ADAMTS2: variants seen among roughly 807,000 people sequenced by gnomAD.
ADAMTS2 encodes ADAM metallopeptidase with thrombospondin type 1 motif 2.
ADAMTS2 carries 50 observed loss-of-function variants against 123.0 expected under a neutral mutation model. The observed-to-expected ratio is 0.41, with a 90% CI of 0.32 to 0.51. ADAMTS2 has a LOEUF of 0.51. ADAMTS2 is among the 20% of genes least tolerant of loss of function. The probability of loss-of-function intolerance (pLI) is 0.35; values close to 1 mark genes in which losing one functional copy is unlikely to be tolerated. For missense variants in ADAMTS2, 1,494 were observed against 1,705.2 expected (o/e 0.88, Z 2.18); for synonymous variants, 678 against 695.4 (o/e 0.98, Z 0.39).
At chr5:179,206,789 G>A (rs773886966) in intron 4 of ADAMTS2, among the ~76,000 whole-genome samples, 22 of 152,206 alleles carry the variant, frequency 1.4e-4, no homozygotes, top group Admixed American at 7.2e-4. Context: ...CAGCATCCTG[G>A]CACCTCCTGC....
Position 179,303,704 on chromosome 5 carries a change from T to C in ADAMTS2, c.535-30640A>G, listed in dbSNP as rs188748348. On this transcript the variant is annotated intron_variant, in intron 2 of 21. Transcript: ENST00000251582. This position sits in a 1 kb window ranked among gnomAD's most constrained non-coding sequence, Gnocchi z 4.7. ...CAGCTCATGGCAGCCCACAGGCACCTAAAACTCTAAGAGGGGAGCCTGGCT... is the reference window on the plus strand; with the variant it reads ...CAGCTCATGGCAGCCCACAGGCACCCAAAACTCTAAGAGGGGAGCCTGGCT... Among the ~76,000 whole-genome samples the C allele has an allele frequency of 7.7e-4, 118 of 152,356 alleles. 1 individual carries two copies. Among genetic ancestry groups the C allele is most frequent in the Admixed American group, 3.5e-3 (53 of 15,306 alleles).
rs762610428 is a variant in ADAMTS2, at chr5:179,260,059, G to A, written c.688+12852C>T. On this transcript the variant is annotated intron_variant, in intron 3 of 21. Transcript: ENST00000251582. This position sits in a 1 kb window ranked among gnomAD's most constrained non-coding sequence, Gnocchi z 4.2. Reference sequence around the variant, plus strand: ...GGCCCTGCCGGATGGGTCACAAGCCGGCGAAGTCAGTCCTGCTCAAGTGTG... The same window carrying A: ...GGCCCTGCCGGATGGGTCACAAGCCAGCGAAGTCAGTCCTGCTCAAGTGTG... Among the ~76,000 whole-genome samples the A allele has an allele frequency of 9.2e-5, 14 of 152,308 alleles. No individual in the cohort carries two copies. Among genetic ancestry groups the A allele is most frequent in the East Asian group, 1.9e-4 (1 of 5,176 alleles).
At chr5:179,171,932 C>T (rs1033265137) in intron 5 of ADAMTS2, among the ~76,000 whole-genome samples, 15 of 152,260 alleles carry the variant, frequency 9.9e-5, no homozygotes, top group Admixed American at 4.6e-4. Context: ...GGGTCCCACA[C>T]CCCTCACAAC....
intron 2 of ADAMTS2, among the ~76,000 whole-genome samples, chr5:179,294,025 G>C (rs1158801799): frequency 6.6e-6 from 1 of 152,062 alleles, no homozygotes; most frequent in Non-Finnish European, 1.5e-5. Flanking sequence ...GCACTTTTGG[G>C]AGGCCGAGGC....
At chr5:179,321,918 AG>A (rs971327567) in intron 2 of ADAMTS2, among the ~76,000 whole-genome samples, 13 of 152,128 alleles carry the variant, frequency 8.5e-5, no homozygotes, top group African/African-American at 3.1e-4. Context: ...TTTCCTGAGT[AG>A]ATTATGCTGC....
intron 4 of ADAMTS2, among the ~76,000 whole-genome samples, chr5:179,199,442 C>T (rs894955091): frequency 1.3e-4 from 20 of 152,320 alleles, no homozygotes; most frequent in African/African-American, 4.6e-4. Flanking sequence ...GTGAACCTCC[C>T]GTGAGTGACA....
chr5:179,220,884 G>C (rs1015881873), intron 3 of ADAMTS2, among the ~76,000 whole-genome samples: 1 of 152,202 alleles, frequency 6.6e-6, no homozygotes, highest in African/African-American at 2.4e-5. Context: ...AGAGCTTGCA[G>C]CCAACACAAG....
At chr5:179,164,334 T>G (rs1464855736) in intron 5 of ADAMTS2, among the ~76,000 whole-genome samples, 1 of 152,196 alleles carries the variant, frequency 6.6e-6, no homozygotes, top group African/African-American at 2.4e-5. Context: ...GTGTGCATTC[T>G]TAAAACAGCC....
chr5:179,253,340 G>T (rs10075771), intron 3 of ADAMTS2, among the ~76,000 whole-genome samples: 19,139 of 151,752 alleles, frequency 0.13, 3,785 homozygotes, highest in African/African-American at 0.42. Context: ...TTTATAATTT[G>T]TCTTATAAAA....
chr5:179,151,151 C>A (rs1265787999), intron 10 of ADAMTS2: 1 of 379,068 alleles, frequency 2.6e-6, no homozygotes, highest in Non-Finnish European at 5.5e-6. Flanking sequence ...CCTACCTTGG[C>A]CTCCCAAAGT....
intron 4 of ADAMTS2, among the ~76,000 whole-genome samples, chr5:179,203,522 T>C (rs1021228260): frequency 3.3e-5 from 5 of 152,040 alleles, no homozygotes; most frequent in Admixed American, 3.3e-4. Context: ...CCACTTGGGG[T>C]TGTGGTTCGA....
rs1044004028 is a variant in ADAMTS2 at position 179,175,320 on chromosome 5, G to T, written c.975+5752C>A. Among the ~76,000 whole-genome samples, 5 of 152,216 alleles carry T rather than the reference G, an allele frequency of 3.3e-5. No individual in the cohort carries two copies. The highest frequency in any genetic ancestry group is 1.2e-4 in the African/African-American group (5 of 41,452). Reference sequence around the variant, plus strand: ...TTCCGCAGCTGTCTCAGCCATTCTTGACCGTTCGTGTTCCTAGATGGTGCT... The same window carrying T: ...TTCCGCAGCTGTCTCAGCCATTCTTTACCGTTCGTGTTCCTAGATGGTGCT... On this transcript the variant is annotated intron_variant, in intron 5 of 21. Coordinates refer to ENST00000251582, the MANE Select transcript of ADAMTS2 (RefSeq NM_014244.5). This position sits in a 1 kb window ranked among gnomAD's most constrained non-coding sequence, Gnocchi z 4.1.
chr5:179,325,009 C>T (rs952352787), intron 2 of ADAMTS2, among the ~76,000 whole-genome samples: 1 of 152,218 alleles, frequency 6.6e-6, no homozygotes, highest in African/African-American at 2.4e-5. Flanking sequence ...GATCACACCC[C>T]GACACACACT....
chr5:179,185,736 G>C lies in ADAMTS2; in HGVS notation c.892-4581C>G, dbSNP rs188248024. ...GCCCTGGGGTGTCAGGCTGCTAGGC[G>C]TGGGCCCCTGGCTGGGGAGCTCCAC... On this transcript the variant is annotated intron_variant, in intron 4 of 21. Transcript: ENST00000251582. This position sits in a 1 kb window ranked among gnomAD's most constrained non-coding sequence, Gnocchi z 5.9. 3.9e-5 allele frequency among the ~76,000 whole-genome samples: 6 copies of C among 152,134 alleles called. No individual in the cohort carries two copies. Among genetic ancestry groups the C allele is most frequent in the South Asian group, 2.1e-4 (1 of 4,822 alleles).
chr5:179,199,605 C>T (rs577974868), intron 4 of ADAMTS2, among the ~76,000 whole-genome samples: 47 of 152,282 alleles, frequency 3.1e-4, no homozygotes, highest in Non-Finnish European at 5.9e-4. Flanking sequence ...CTCTCAGACC[C>T]CAGTGGGTGT....
chr5:179,207,471 A>ACCCCCCCCCCCCCCCCCCCCCC, intron 4 of ADAMTS2, 42 bp downstream of exon 4: 1 of 1,026,472 alleles, frequency 9.7e-7, no homozygotes. Flanking sequence ...CCCCTGGTTG[A>ACCCCCCCCCCCCCCCCCCCCCC]CCCTCCCCGC....
At position 179,202,282 on chromosome 5, in the gene ADAMTS2, G is replaced by A. The variant is rs1358407714; in HGVS notation, c.891+5231C>T. Among the ~76,000 whole-genome samples, 1 of 151,764 alleles carries A rather than the reference G, an allele frequency of 6.6e-6. No individual in the cohort carries two copies. The highest frequency in any genetic ancestry group is 6.6e-5 in the Admixed American group (1 of 15,242). On this transcript the variant is annotated intron_variant, in intron 4 of 21. Transcript: ENST00000251582. The surrounding 1 kb of genome is among the most constrained non-coding windows in gnomAD (Gnocchi z 4.0). ...ATTCCTGCCTCAGGGCCTTGGCGCC[G>A]CCTGCCCCCTCCCCCAAACCTGGAA...
At chr5:179,149,955 G>A (rs1763322907) in intron 10 of ADAMTS2, among the ~76,000 whole-genome samples, 1 of 151,816 alleles carries the variant, frequency 6.6e-6, no homozygotes, top group Non-Finnish European at 1.5e-5. Flanking sequence ...AATGAGTGAA[G>A]GGCTGCGGCC....
rs1004936511 is a variant in ADAMTS2, at chr5:179,228,805, T to G, written c.689-21090A>C. On this transcript the variant is annotated intron_variant, in intron 3 of 21. Coordinates refer to ENST00000251582, the MANE Select transcript of ADAMTS2 (RefSeq NM_014244.5). This position sits in a 1 kb window ranked among gnomAD's most constrained non-coding sequence, Gnocchi z 5.2. ...TTCACCACGGCCTCCTCATCCAGCA[T>G]CCACAACTCTGGAGCTAGGAAGCCC... 6.6e-6 allele frequency among the ~76,000 whole-genome samples: 1 copy of G among 152,202 alleles called. No individual in the cohort carries two copies. The highest frequency in any genetic ancestry group is 1.5e-5 in the Non-Finnish European group (1 of 68,020).
Sources: allele counts gnomAD v4.1 joint callset (sites outside exome capture counted in the v4.1 genomes callset), GRCh38; gene constraint gnomAD v4.1.1; non-coding constraint Gnocchi (gnomAD v3.1); transcripts MANE v1.5; gene names NCBI Gene and HGNC (gene_info 2026-07-23, HGNC 2026-07-21).